The following NAALADL2 variants were observed in gnomAD, a reference collection of about 807,000 sequenced individuals.
NAALADL2 encodes the protein inactive N-acetylated-alpha-linked acidic dipeptidase-like protein 2.
A neutral mutation model predicts 87.2 loss-of-function variants in NAALADL2; 76 were observed. The ratio of observed to expected loss-of-function variants is 0.87; its 90% CI spans 0.72 to 1.05. The LOEUF (loss-of-function observed/expected upper bound fraction) is 1.05, where lower values mean the gene tolerates loss of function less well. Among genes scored for constraint, NAALADL2 ranks in the 50% least tolerant of loss-of-function variants. NAALADL2 has a pLI of 0.00. For missense variants in NAALADL2, 1,089 were observed against 945.8 expected, an observed-to-expected ratio of 1.15 and a Z score of -1.99; for synonymous variants, 354 against 331.0, an observed-to-expected ratio of 1.07 and a Z score of -0.75.
At chr3:175,547,841 C>T (rs897972928) in intron 9 of NAALADL2, among the ~76,000 whole-genome samples, 2 of 151,984 alleles carry the variant, frequency 1.3e-5, no homozygotes, top group African/African-American at 4.8e-5. Context: ...CAAATCAAAA[C>T]CACAGTGAAA....
intron 3 of NAALADL2, among the ~76,000 whole-genome samples, chr3:175,255,691 T>C (rs886939590): frequency 6.6e-6 from 1 of 152,182 alleles, no homozygotes; most frequent in African/African-American, 2.4e-5. Flanking sequence ...AAGGTTTTTA[T>C]TGAAATCTCC....
chr3:174,674,957 G>T (rs139599639), intron 2 of NAALADL2, among the ~76,000 whole-genome samples: 1 of 152,128 alleles, frequency 6.6e-6, no homozygotes, highest in East Asian at 1.9e-4. Flanking sequence ...ATAAGAAAAT[G>T]TTTCTCACCT....
chr3:175,236,532 G>A (rs1399105528), intron 3 of NAALADL2, among the ~76,000 whole-genome samples: 4 of 135,702 alleles, frequency 2.9e-5, no homozygotes, highest in African/African-American at 1.1e-4. Context: ...TGGGCAACAA[G>A]AGTGAAACTC....
At chr3:175,647,093 A>G (rs1406423215) in intron 11 of NAALADL2, among the ~76,000 whole-genome samples, 1 of 152,116 alleles carries the variant, frequency 6.6e-6, no homozygotes, top group Non-Finnish European at 1.5e-5. Context: ...TAAATGTTTC[A>G]GCCTATAAAT....
At chr3:174,799,699 G>T (rs1718580317) in intron 3 of NAALADL2, among the ~76,000 whole-genome samples, 1 of 152,190 alleles carries the variant, frequency 6.6e-6, no homozygotes, top group Non-Finnish European at 1.5e-5. Context: ...AAATGTGGAA[G>T]TGACTTTCAA....
intron 5 of NAALADL2, among the ~76,000 whole-genome samples, chr3:175,349,277 C>T (rs1763483086): frequency 6.7e-6 from 1 of 150,206 alleles, no homozygotes; most frequent in African/African-American, 2.4e-5. Flanking sequence ...CAGTTGAACC[C>T]AGATCTGAAG....
chr3:174,493,502 A>C (rs1322137315), intron 1 of NAALADL2, among the ~76,000 whole-genome samples: 5 of 152,198 alleles, frequency 3.3e-5, no homozygotes, highest in African/African-American at 1.2e-4. Context: ...CTGATAATAG[A>C]CTTCTAAATT....
chr3:174,677,802 C>T (rs772590816), intron 2 of NAALADL2, among the ~76,000 whole-genome samples: 41 of 151,636 alleles, frequency 2.7e-4, no homozygotes, highest in Non-Finnish European at 4.9e-4. Context: ...ACATCAGAGC[C>T]GTCTTGCATC....
chr3:175,346,240 A>G (rs1350181165), intron 5 of NAALADL2, among the ~76,000 whole-genome samples: 1 of 152,260 alleles, frequency 6.6e-6, no homozygotes, highest in East Asian at 1.9e-4. Context: ...ACAGAGATAA[A>G]CTTCACTGAT....
At chr3:175,453,598 C>T (rs944354145) in intron 6 of NAALADL2, among the ~76,000 whole-genome samples, 3 of 151,984 alleles carry the variant, frequency 2.0e-5, no homozygotes, top group African/African-American at 4.8e-5. Flanking sequence ...GATATTCTTC[C>T]GAGAATATCA....
chr3:175,322,809 A>C (rs1366110964), intron 4 of NAALADL2, among the ~76,000 whole-genome samples: 1 of 148,312 alleles, frequency 6.7e-6, no homozygotes, highest in African/African-American at 2.5e-5. Context: ...CACCAGTTAG[A>C]ATGGCAATCA....
intron 3 of NAALADL2, among the ~76,000 whole-genome samples, chr3:174,827,334 C>G (rs66699297): frequency 0.25 from 37,719 of 152,100 alleles, 5,118 homozygotes; most frequent in African/African-American, 0.33. Flanking sequence ...GGTCTCAGTG[C>G]GTTAAGGTCT....
At chr3:174,863,921 A>G (rs566737221) in intron 1 of NAALADL2, 85 of 393,878 alleles carry the variant, frequency 2.2e-4, no homozygotes, top group South Asian at 7.1e-4. Flanking sequence ...AGGTTCAAAC[A>G]CTTGAAGACC....
At chr3:175,793,307 C>CTT (rs66905230) in intron 13 of NAALADL2, among the ~76,000 whole-genome samples, 80 of 116,914 alleles carry the variant, frequency 6.8e-4, no homozygotes, top group African/African-American at 1.9e-3. Context: ...CATTTTCTTT[C>CTT]TTTTTTTTTT....
intron 2 of NAALADL2, among the ~76,000 whole-genome samples, chr3:174,618,655 A>G (rs1309403797): frequency 2.0e-5 from 3 of 151,828 alleles, no homozygotes; most frequent in Non-Finnish European, 4.4e-5. Context: ...AGACAAAACT[A>G]AAGTTTTCTT....
rs992892962 is a variant in NAALADL2 at position 175,107,964 on chromosome 3, A to C, written c.545+10673A>C. On this transcript the variant is annotated intron_variant, in intron 2 of 13. Coordinates refer to ENST00000454872, the MANE Select transcript of NAALADL2 (RefSeq NM_207015.3). The stretch of plus-strand genomic sequence containing the variant: ...AAAGTATCATTCTTATCTATAAAAA[A>C]AATGGTATTGAAGTTCTCTTTCCTT... Among the ~76,000 whole-genome samples, 3 of 152,006 alleles carry C rather than the reference A, an allele frequency of 2.0e-5. No homozygotes were observed. The Admixed American group carries it at 2.0e-4, about 10-fold the overall frequency.
At chr3:174,841,935 CAATT>C (rs1029418886) in intron 3 of NAALADL2, among the ~76,000 whole-genome samples, 2 of 152,052 alleles carry the variant, frequency 1.3e-5, no homozygotes, top group East Asian at 1.9e-4. Flanking sequence ...ATTTGTTAAA[CAATT>C]AATCGTTATA....
chr3:175,421,229 A>G (rs2149122263), intron 5 of NAALADL2, among the ~76,000 whole-genome samples: 1 of 152,150 alleles, frequency 6.6e-6, no homozygotes, highest in Non-Finnish European at 1.5e-5. Context: ...TAAAGTGGTT[A>G]TAAATATGAA....
intron 1 of NAALADL2, among the ~76,000 whole-genome samples, chr3:174,885,419 C>T (rs926038206): frequency 1.3e-5 from 2 of 152,156 alleles, no homozygotes; most frequent in Non-Finnish European, 2.9e-5. Context: ...AGCTTAGGGG[C>T]AACCAAGCAG....
Sources: allele counts gnomAD v4.1 joint callset (sites outside exome capture counted in the v4.1 genomes callset), GRCh38; gene constraint gnomAD v4.1.1; transcripts MANE v1.5; gene names NCBI Gene and HGNC (gene_info 2026-07-23, HGNC 2026-07-21).